KLHL7: variants seen among roughly 807,000 people sequenced by gnomAD.
KLHL7 encodes the protein kelch-like protein 7.
Under a neutral mutation model 67.4 loss-of-function variants are expected in KLHL7, and 44 were observed. That is an observed-to-expected ratio of 0.65 (90% confidence interval 0.51 to 0.84). The LOEUF (loss-of-function observed/expected upper bound fraction) is 0.84. KLHL7 is among the 40% of genes least tolerant of loss of function. The pLI is 0.00. For missense variants in KLHL7, 362 were observed against 718.1 expected, an observed-to-expected ratio of 0.50 and a Z score of 5.67; for synonymous variants, 252 against 243.3, an observed-to-expected ratio of 1.04 and a Z score of -0.33.
intron 4 of KLHL7, among the ~76,000 whole-genome samples, chr7:23,135,854 C>T (rs1783958077): frequency 6.6e-6 from 1 of 152,118 alleles, no homozygotes; most frequent in Non-Finnish European, 1.5e-5. Context: ...TAGTATATTA[C>T]AAAAAATAAC....
At chr7:23,149,549 C>T (rs1784467335) in intron 6 of KLHL7, among the ~76,000 whole-genome samples, 1 of 152,222 alleles carries the variant, frequency 6.6e-6, no homozygotes, top group Admixed American at 6.5e-5. Flanking sequence ...ATTTCTGATT[C>T]AGAAGGTCTG....
intron 1 of KLHL7, among the ~76,000 whole-genome samples, chr7:23,119,547 G>A (rs1290132022): frequency 2.6e-5 from 4 of 152,156 alleles, no homozygotes; most frequent in African/African-American, 9.7e-5. Context: ...CATTAGGGTT[G>A]ACTCTGTGTT....
chr7:23,119,702 T>C (rs1783250060), intron 1 of KLHL7, among the ~76,000 whole-genome samples: 1 of 152,232 alleles, frequency 6.6e-6, no homozygotes, highest in African/African-American at 2.4e-5. Flanking sequence ...ATATATCAAA[T>C]TGCCACTTAA....
chr7:23,145,515 C>T (rs1784328410), intron 6 of KLHL7, among the ~76,000 whole-genome samples: 1 of 152,194 alleles, frequency 6.6e-6, no homozygotes, highest in East Asian at 1.9e-4. Context: ...TGAGTTATTA[C>T]AAAACTGATA....
rs1387050771 is a variant in KLHL7 at position 23,177,015 on chromosome 7, A to T, written c.*2717A>T. 1 of 152,134 alleles carries T rather than the reference A, an allele frequency of 6.6e-6. No homozygotes were observed. Among genetic ancestry groups the T allele is most frequent in the Non-Finnish European group, 1.5e-5 (1 of 68,034 alleles). 9.4% of individuals were successfully genotyped at this position (152,134 alleles called of 1,614,324 possible). On this transcript the variant is annotated 3_prime_UTR_variant, in exon 11 of 11. Coordinates refer to ENST00000339077, the MANE Select transcript of KLHL7 (RefSeq NM_001031710.3). The stretch of plus-strand genomic sequence containing the variant: ...AAAAAAAGGACAACATAGGGCCCGC[A>T]ATCCAGTATGACCTTATTTTAATTA...
At chr7:23,157,084 C>T (rs1427582582) in intron 7 of KLHL7, among the ~76,000 whole-genome samples, 1 of 152,160 alleles carries the variant, frequency 6.6e-6, no homozygotes, top group East Asian at 1.9e-4. Flanking sequence ...TGGCGGAAAT[C>T]AGCAGTTATA....
chr7:23,147,035 T>C (rs6975852), intron 6 of KLHL7, among the ~76,000 whole-genome samples: 54,732 of 151,480 alleles, frequency 0.36, 10,282 homozygotes, highest in African/African-American at 0.45. Context: ...ATTTCAGATA[T>C]TTTTGTTGTC....
chr7:23,149,259 G>A (rs1224793227), intron 6 of KLHL7, among the ~76,000 whole-genome samples: 1 of 152,146 alleles, frequency 6.6e-6, no homozygotes, highest in Non-Finnish European at 1.5e-5. Flanking sequence ...TAGCTCCTCA[G>A]AGAAAGATAC....
At chr7:23,167,648 G>A (rs1045674186) in intron 8 of KLHL7, among the ~76,000 whole-genome samples, 188 bp from the exon 9 acceptor site, 1 of 151,934 alleles carries the variant, frequency 6.6e-6, no homozygotes, top group African/African-American at 2.4e-5. Context: ...TGTTTTCCAG[G>A]GTCTATACAA....
At chr7:23,134,330 T>C (rs1783901277) in intron 4 of KLHL7, among the ~76,000 whole-genome samples, 1 of 152,236 alleles carries the variant, frequency 6.6e-6, no homozygotes, top group South Asian at 2.1e-4. Context: ...ATATTTTTAA[T>C]GTGTTGTTGA....
rs1433536784 is a variant in KLHL7, at chr7:23,172,981, G to A, written c.1413G>A (p.Arg471=). 1 of 1,613,838 alleles carries A rather than the reference G, an allele frequency of 6.2e-7. No individual in the cohort carries two copies. The highest frequency in any genetic ancestry group is 8.5e-7 in the Non-Finnish European group (1 of 1,179,836). The change falls in exon 10 of 11, where the codon AGG becomes AGA. Residue 471 remains arginine (R), a synonymous_variant. Coordinates refer to ENST00000339077, the MANE Select transcript of KLHL7 (RefSeq NM_001031710.3). ...AGCTGTGTCCAATGATTGAAGCCAG[G>A]AAGAATCATGGGCTGGTATTTGTAA... The part of the protein sequence containing the change: ...WTELCPMIEA[R]KNHGLVFVKD...
chr7:23,133,506 A>T (rs185864716), intron 4 of KLHL7, among the ~76,000 whole-genome samples: 84 of 152,166 alleles, frequency 5.5e-4, no homozygotes, highest in African/African-American at 1.9e-3. Context: ...ACCTTGGCTC[A>T]CTGCAGTCTC....
intron 4 of KLHL7, chr7:23,129,348 A>C: frequency 2.8e-6 from 1 of 360,468 alleles, no homozygotes; most frequent in Non-Finnish European, 5.5e-6. Context: ...TATGTTAGCC[A>C]AGGCTTTTCT....
chr7:23,152,123 A>C lies in KLHL7; in HGVS notation c.850A>C (p.Thr284Pro). Reference protein sequence around the residue: ...PEDREELVDGTRPRRKKHDYR... With the variant: ...PEDREELVDGPRPRRKKHDYR... ...GGACCGAGAAGAACTTGTAGATGGC[A>C]CAAGACCTAGAAGAAAGAAACATGA... The change falls in exon 7 of 11, where the codon ACA (threonine) becomes CCA (proline). Residue 284 changes from threonine to proline, a missense_variant. This residue lies in a region of KLHL7 where 155 missense variants were observed against 280.8 expected (regional missense o/e 0.55). Coordinates refer to ENST00000339077, the MANE Select transcript of KLHL7 (RefSeq NM_001031710.3). The C allele has an allele frequency of 6.2e-7, 1 of 1,613,950 alleles. No individual in the cohort carries two copies. Among genetic ancestry groups the C allele is most frequent in the Non-Finnish European group, 8.5e-7 (1 of 1,179,812 alleles).
At chr7:23,154,205 A>G (rs529757693) in intron 7 of KLHL7, among the ~76,000 whole-genome samples, 2 of 152,198 alleles carry the variant, frequency 1.3e-5, no homozygotes, top group East Asian at 1.9e-4. Flanking sequence ...AATACAAAAA[A>G]TTGGCTGGGC....
rs576569394 is a variant in KLHL7, at chr7:23,128,886, G to A, written c.442+3714G>A. ...GGCCTCTTTGAGCACAGTGTTTTTA[G>A]GGTTCATCCATATTGTAGCATTTAT... is the stretch of plus-strand genomic sequence containing the variant. On this transcript the variant is annotated intron_variant, in intron 4 of 10. Transcript: ENST00000339077. 6.9e-4 allele frequency among the ~76,000 whole-genome samples: 105 copies of A among 152,252 alleles called. 1 individual carries two copies. The highest frequency in any genetic ancestry group is 2.4e-3 in the African/African-American group (100 of 41,530).
intron 9 of KLHL7, among the ~76,000 whole-genome samples, chr7:23,169,348 A>G (rs977707481): frequency 6.6e-6 from 1 of 152,216 alleles, no homozygotes; most frequent in Non-Finnish European, 1.5e-5. Context: ...ATATTTTTAA[A>G]AGATTTAAGG....
intron 4 of KLHL7, among the ~76,000 whole-genome samples, chr7:23,128,342 A>C (rs1447859091): frequency 6.6e-6 from 1 of 150,548 alleles, no homozygotes; most frequent in East Asian, 2.0e-4. Flanking sequence ...AAGATACAGG[A>C]ACTGCAGTGT....
chr7:23,121,520 G>A (rs1366118544), intron 1 of KLHL7, among the ~76,000 whole-genome samples: 5 of 150,198 alleles, frequency 3.3e-5, no homozygotes, highest in African/African-American at 2.5e-5. Context: ...GGCTGGTCTC[G>A]AATTCCTAGG....
Sources: allele counts gnomAD v4.1 joint callset (sites outside exome capture counted in the v4.1 genomes callset), GRCh38; gene constraint gnomAD v4.1.1; regional missense constraint gnomAD v4.1.1; transcripts MANE v1.5; gene names NCBI Gene and HGNC (gene_info 2026-07-23, HGNC 2026-07-21).